The following PHACTR1 variants were observed in gnomAD, a reference collection of about 807,000 sequenced individuals.
The protein encoded by PHACTR1 is RPEL repeat containing 1.
Under a neutral mutation model 69.2 loss-of-function variants are expected in PHACTR1, and 16 were observed. The ratio of observed to expected loss-of-function variants is 0.23; its 90% CI spans 0.16 to 0.35. PHACTR1 has a LOEUF of 0.35. Ranked by LOEUF, PHACTR1 falls within the 10% of genes least tolerant of loss-of-function variation. PHACTR1 has a pLI of 1.00. For synonymous variants in PHACTR1, 312 were observed against 284.5 expected, an observed-to-expected ratio of 1.10 and a Z score of -0.97; for missense variants, 510 against 734.7, an observed-to-expected ratio of 0.69 and a Z score of 3.54.
intron 3 of PHACTR1, among the ~76,000 whole-genome samples, chr6:12,740,401 C>T (rs1423757284): frequency 6.6e-6 from 1 of 152,142 alleles, no homozygotes; most frequent in East Asian, 1.9e-4. Context: ...TCCTTATTCT[C>T]ACCAGTACTG....
intron 6 of PHACTR1, among the ~76,000 whole-genome samples, chr6:13,177,255 T>C (rs1197166013): frequency 1.4e-5 from 2 of 143,642 alleles, no homozygotes; most frequent in Non-Finnish European, 3.0e-5. Context: ...GAGGCTGAAG[T>C]GAGAGGATCA....
intron 4 of PHACTR1, among the ~76,000 whole-genome samples, chr6:12,873,461 T>A (rs1191000285): frequency 6.6e-6 from 1 of 151,724 alleles, no homozygotes; most frequent in Non-Finnish European, 1.5e-5. Flanking sequence ...GACATTATAG[T>A]GGGAGAGAAC....
chr6:12,798,043 C>CACACACACACACACAA (rs1773262900), intron 4 of PHACTR1, among the ~76,000 whole-genome samples: 1 of 150,812 alleles, frequency 6.6e-6, no homozygotes. Context: ...TTCCTAGACA[C>CACACACACACACACAA]ACACACACAC....
chr6:12,969,345 T>TA (rs983164608), intron 4 of PHACTR1, among the ~76,000 whole-genome samples: 20 of 152,186 alleles, frequency 1.3e-4, no homozygotes, highest in African/African-American at 4.8e-4. Context: ...GTGTTCCTGA[T>TA]AAAAGAAAGA....
intron 4 of PHACTR1, among the ~76,000 whole-genome samples, chr6:12,973,089 T>C (rs1303684707): frequency 6.6e-6 from 1 of 152,172 alleles, no homozygotes; most frequent in Non-Finnish European, 1.5e-5. Context: ...CTCAGGACCT[T>C]TAATTTAATT....
intron 3 of PHACTR1, among the ~76,000 whole-genome samples, chr6:12,726,664 T>C (rs931575250): frequency 2.0e-5 from 3 of 152,228 alleles, no homozygotes; most frequent in Non-Finnish European, 4.4e-5. Context: ...GCCTGTCTCC[T>C]GAGCCCTTCA....
chr6:12,919,590 A>G (rs1291484219), intron 4 of PHACTR1, among the ~76,000 whole-genome samples: 1 of 152,252 alleles, frequency 6.6e-6, no homozygotes, highest in African/African-American at 2.4e-5. Flanking sequence ...TCCAAAACTT[A>G]GAATTAACTT....
chr6:12,824,258 C>A (rs1776539222), intron 4 of PHACTR1, among the ~76,000 whole-genome samples: 1 of 152,176 alleles, frequency 6.6e-6, no homozygotes, highest in Admixed American at 6.5e-5. Context: ...CCAGATGGGA[C>A]CATCTTGTTT....
intron 12 of PHACTR1, chr6:13,280,906 C>T (rs1780021729): frequency 1.0e-5 from 13 of 1,258,204 alleles, no homozygotes; most frequent in Admixed American, 2.3e-5. Context: ...CTGAGCCTTT[C>T]GTGGTCAGGG....
At chr6:12,828,981 A>G (rs1022552971) in intron 4 of PHACTR1, among the ~76,000 whole-genome samples, 3 of 152,194 alleles carry the variant, frequency 2.0e-5, no homozygotes, top group Non-Finnish European at 4.4e-5. Flanking sequence ...GAAATCGTGA[A>G]TGTTTGAGGT....
chr6:13,008,309 T>C (rs1414638858), intron 4 of PHACTR1, among the ~76,000 whole-genome samples: 2 of 152,154 alleles, frequency 1.3e-5, no homozygotes, highest in Admixed American at 1.3e-4. Context: ...AAATATTTAA[T>C]AACTAGACGT....
At chr6:12,880,781 A>G (rs1783013143) in intron 4 of PHACTR1, among the ~76,000 whole-genome samples, 1 of 152,226 alleles carries the variant, frequency 6.6e-6, no homozygotes, top group Non-Finnish European at 1.5e-5. Flanking sequence ...CCAGGTATGG[A>G]GGTCAGCATG....
intron 5 of PHACTR1, among the ~76,000 whole-genome samples, chr6:13,122,587 A>G (rs897552756): frequency 6.6e-6 from 1 of 152,248 alleles, no homozygotes; most frequent in Non-Finnish European, 1.5e-5. Context: ...AATTTTAGTG[A>G]CAGTTGTTGA....
chr6:12,820,511 A>G (rs1019580031), intron 4 of PHACTR1, among the ~76,000 whole-genome samples: 2 of 152,188 alleles, frequency 1.3e-5, no homozygotes, highest in African/African-American at 4.8e-5. Flanking sequence ...AAGTACAATG[A>G]AAACTTGTTT....
intron 10 of PHACTR1, among the ~76,000 whole-genome samples, chr6:13,236,522 C>G (rs34373947): frequency 0.21 from 32,369 of 151,982 alleles, 5,387 homozygotes; most frequent in African/African-American, 0.45. Context: ...CCCGGCCTCT[C>G]GTGTTTGCTG....
In PHACTR1 at chr6:13,232,317, T is replaced by G. The variant is rs146847821; in HGVS notation, c.1391+2124T>G. 2.9e-3 allele frequency among the ~76,000 whole-genome samples: 440 copies of G among 152,334 alleles called. 3 individuals are homozygous for G. The highest frequency in any genetic ancestry group is 9.9e-3 in the African/African-American group (412 of 41,574). ...ATTTTGCTACCTAAGAGCAGCTTCT[T>G]TTTCAAAATTAACTTGGTTTCCTCT... is the stretch of plus-strand genomic sequence containing the variant. On this transcript the variant is annotated intron_variant, in intron 10 of 14. Transcript: ENST00000332995.
At chr6:13,078,063 A>G (rs191489417) in intron 5 of PHACTR1, among the ~76,000 whole-genome samples, 2 of 152,260 alleles carry the variant, frequency 1.3e-5, no homozygotes, top group East Asian at 1.9e-4. Flanking sequence ...CTGGGAGTGT[A>G]GGACGCCAAG....
chr6:13,022,090 A>C (rs1355045949), intron 4 of PHACTR1, among the ~76,000 whole-genome samples: 1 of 152,236 alleles, frequency 6.6e-6, no homozygotes, highest in Non-Finnish European at 1.5e-5. Context: ...ACCTCTGAGG[A>C]GTGACTGTTT....
At position 13,272,848 on chromosome 6, in the gene PHACTR1, T is replaced by A. The variant is rs546634747; in HGVS notation, c.1392-12T>A. On this transcript the variant is annotated splice_polypyrimidine_tract_variant and intron_variant, in intron 10 of 14. Transcript: ENST00000332995. Reference sequence around the variant, plus strand: ...ATATGGTCCAAAAACTTTTCCTGGATTTTTTCCGTAGGCGGCTGAGCCAGA... The same window carrying A: ...ATATGGTCCAAAAACTTTTCCTGGAATTTTTCCGTAGGCGGCTGAGCCAGA... 1 of 1,614,026 alleles carries A rather than the reference T, an allele frequency of 6.2e-7. No homozygotes were observed. Among genetic ancestry groups the A allele is most frequent in the South Asian group, 1.1e-5 (1 of 91,082 alleles).
Sources: gnomAD v4.1 joint callset for allele counts (sites outside exome capture counted in the v4.1 genomes callset) on GRCh38, gnomAD v4.1.1 for gene constraint, MANE v1.5 for transcripts, NCBI Gene and HGNC (gene_info 2026-07-23, HGNC 2026-07-21) for gene names.